Variants in ADGB observed in about 807,000 individuals in gnomAD.
ADGB encodes androglobin.
A neutral mutation model predicts 210.5 loss-of-function variants in ADGB; 172 were observed. The ratio of observed to expected loss-of-function variants is 0.82; its 90% confidence interval spans 0.72 to 0.93. The LOEUF is 0.93. ADGB is among the 40% of genes least tolerant of loss of function. The pLI is 0.00. For missense variants in ADGB, 2,025 were observed against 1,964.8 expected (o/e 1.03, Z -0.58); for synonymous variants, 658 against 662.7 (o/e 0.99, Z 0.11).
intron 1 of ADGB, among the ~76,000 whole-genome samples, chr6:146,623,734 T>G (rs1780933462): frequency 6.6e-6 from 1 of 151,954 alleles, no homozygotes; most frequent in African/African-American, 2.4e-5. Flanking sequence ...TCTGTAGATG[T>G]CATTTATCAG....
intron 1 of ADGB, among the ~76,000 whole-genome samples, chr6:146,621,254 C>G (rs1780889284): frequency 6.6e-6 from 1 of 152,066 alleles, no homozygotes; most frequent in Admixed American, 6.6e-5. Flanking sequence ...ATGGATTGTG[C>G]CATCTGTGGC....
chr6:146,606,573 A>T (rs997152645), intron 1 of ADGB, among the ~76,000 whole-genome samples: 2 of 152,136 alleles, frequency 1.3e-5, no homozygotes, highest in Admixed American at 1.3e-4. Context: ...CAGTTGCTTT[A>T]CGTATATAGT....
At chr6:146,628,038 CTCTAAGATGGAAGTGATATTCCTCAGGCT>C (rs1165199297) in intron 1 of ADGB, among the ~76,000 whole-genome samples, 1 of 152,004 alleles carries the variant, frequency 6.6e-6, no homozygotes, top group Admixed American at 6.6e-5. Flanking sequence ...GTCCTTGTGA[CTCTAAGATGGAAGTGATATTCCTCAGGCT>C]TATTGTTTAA....
chr6:146,672,553 A>G (rs2114903480), intron 8 of ADGB, 86 bp downstream of exon 8: 1 of 1,428,678 alleles, frequency 7.0e-7, no homozygotes, highest in East Asian at 2.5e-5. Flanking sequence ...TGCTGGAAAG[A>G]GTGGTTTTGA....
intron 27 of ADGB, among the ~76,000 whole-genome samples, chr6:146,758,740 ACT>A (rs1777446014): frequency 6.6e-6 from 1 of 151,942 alleles, no homozygotes; most frequent in African/African-American, 2.4e-5. Context: ...CACAGAAATC[ACT>A]GTTTTTCTTC....
chr6:146,635,579 A>G (rs1386156633), intron 2 of ADGB, 42 bp downstream of exon 2: 1 of 1,454,934 alleles, frequency 6.9e-7, no homozygotes, highest in Non-Finnish European at 9.1e-7. Context: ...TTTGGTTTTT[A>G]ATTTTATAAT....
chr6:146,803,696 G>A, intron 35 of ADGB: 2 of 1,170,346 alleles, frequency 1.7e-6, no homozygotes, highest in Non-Finnish European at 2.5e-6. Context: ...AACATTGTGA[G>A]TTTCCGATGC....
chr6:146,603,402 A>G (rs1318486020), intron 1 of ADGB, among the ~76,000 whole-genome samples: 1 of 152,230 alleles, frequency 6.6e-6, no homozygotes, highest in African/African-American at 2.4e-5. Context: ...GAAGTCGTGC[A>G]GTTTAAGTAT....
chr6:146,661,807 T>G (rs1775864692), intron 5 of ADGB, among the ~76,000 whole-genome samples: 1 of 152,148 alleles, frequency 6.6e-6, no homozygotes, highest in Admixed American at 6.6e-5. Flanking sequence ...ACAAATTATC[T>G]TATCTTTCCT....
chr6:146,769,132 G>T lies in ADGB; in HGVS notation c.3862+1G>T, dbSNP rs1777617302. ...GACTTAAAGAAAAGTAATACCAAAG[G>T]TATGTCACCCTAAATGTTTAAACAT... is the stretch of plus-strand genomic sequence containing the variant. On this transcript the variant is annotated splice_donor_variant, in intron 29 of 35. Transcript: ENST00000397944. LOFTEE classifies it high-confidence loss of function. 1 of 1,479,334 alleles carries T rather than the reference G, an allele frequency of 6.8e-7. No homozygotes were observed. The highest frequency in any genetic ancestry group is 1.3e-5 in the South Asian group (1 of 78,538). The allele number at this position is 1,479,334 out of a possible 1,614,324, so 91.6% of individuals were successfully genotyped here. A position where few individuals can be genotyped will look rare whatever the true frequency, so the allele number is the denominator to read the frequency against.
chr6:146,780,173 T>A (rs368621399), intron 29 of ADGB, among the ~76,000 whole-genome samples: 2 of 152,050 alleles, frequency 1.3e-5, no homozygotes, highest in South Asian at 4.1e-4. Context: ...ACTAGATGGT[T>A]ATAAATTAAC....
chr6:146,641,866 C>A (rs1245397005), intron 2 of ADGB, among the ~76,000 whole-genome samples: 2 of 151,978 alleles, frequency 1.3e-5, no homozygotes, highest in Non-Finnish European at 2.9e-5. Context: ...ATGACGAAGC[C>A]ACCAAAAGCA....
intron 1 of ADGB, among the ~76,000 whole-genome samples, chr6:146,615,600 C>T (rs1780786787): frequency 6.6e-6 from 1 of 152,090 alleles, no homozygotes; most frequent in Admixed American, 6.6e-5. Context: ...AATTCTTAAC[C>T]TTCCCAGCCT....
intron 1 of ADGB, among the ~76,000 whole-genome samples, chr6:146,612,392 C>T (rs1370445507): frequency 6.6e-6 from 1 of 152,180 alleles, no homozygotes; most frequent in Non-Finnish European, 1.5e-5. Context: ...TCTCTCCCAG[C>T]TGTATACACA....
chr6:146,654,486 G>A (rs759537587), intron 4 of ADGB, among the ~76,000 whole-genome samples: 1 of 151,950 alleles, frequency 6.6e-6, no homozygotes, highest in Non-Finnish European at 1.5e-5. Flanking sequence ...CCTGGTAGCT[G>A]GGACTACAGG....
intron 22 of ADGB, 75 bp from the exon 23 acceptor site, chr6:146,736,423 A>G (rs1777079319): frequency 1.0e-6 from 1 of 964,520 alleles, no homozygotes; most frequent in Non-Finnish European, 1.5e-6. Flanking sequence ...CATTTGTGAA[A>G]ATGAAGGCTT....
chr6:146,603,857 T>A (rs1326586334), intron 1 of ADGB, among the ~76,000 whole-genome samples: 1 of 152,184 alleles, frequency 6.6e-6, no homozygotes, highest in Non-Finnish European at 1.5e-5. Context: ...CTTTCTTGGT[T>A]GTCTGAGGCC....
At chr6:146,621,147 T>A (rs923136558) in intron 1 of ADGB, among the ~76,000 whole-genome samples, 8 of 152,220 alleles carry the variant, frequency 5.3e-5, no homozygotes, top group Non-Finnish European at 1.0e-4. Context: ...CATTGTTTTC[T>A]GGTCTTGGGA....
intron 35 of ADGB, among the ~76,000 whole-genome samples, chr6:146,811,706 CT>C (rs1280710780): frequency 6.6e-6 from 1 of 152,172 alleles, no homozygotes; most frequent in Non-Finnish European, 1.5e-5. Context: ...GACTCTCCCT[CT>C]GTCTCCCAGG....
Sources: gnomAD v4.1 joint callset for allele counts (sites outside exome capture counted in the v4.1 genomes callset) on GRCh38, gnomAD v4.1.1 for gene constraint, MANE v1.5 for transcripts, NCBI Gene and HGNC (gene_info 2026-07-23, HGNC 2026-07-21) for gene names.